The following HPSE2 variants were observed in gnomAD, a reference collection of about 807,000 sequenced individuals.
HPSE2 encodes inactive heparanase-2.
A neutral mutation model predicts 60.5 loss-of-function variants in HPSE2; 38 were observed. The observed-to-expected ratio is 0.63, with a 90% CI of 0.48 to 0.82. The LOEUF (loss-of-function observed/expected upper bound fraction) is 0.82. Ranked by LOEUF, HPSE2 falls within the 40% of genes least tolerant of loss-of-function variation. The pLI, the probability that HPSE2 is intolerant of heterozygous loss-of-function variation, is 0.00. For missense variants in HPSE2, 713 were observed against 740.4 expected (o/e 0.96, Z 0.43); for synonymous variants, 295 against 293.2 (o/e 1.01, Z -0.06).
chr10:99,204,294 A>C (rs926752889), intron 2 of HPSE2, among the ~76,000 whole-genome samples: 13 of 152,178 alleles, frequency 8.5e-5, no homozygotes, highest in East Asian at 7.7e-4. Flanking sequence ...CCAGGCCCAC[A>C]CACCTGCTGA....
chr10:98,914,369 T>A (rs1198959266), intron 3 of HPSE2, among the ~76,000 whole-genome samples: 1 of 152,046 alleles, frequency 6.6e-6, no homozygotes, highest in African/African-American at 2.4e-5. Context: ...TTAGTCAGCC[T>A]CGGGTATGTC....
chr10:98,609,608 C>A (rs773268105), intron 9 of HPSE2, among the ~76,000 whole-genome samples: 1 of 152,126 alleles, frequency 6.6e-6, no homozygotes, highest in Non-Finnish European at 1.5e-5. Flanking sequence ...TGTATATATA[C>A]CAAATCAGAA....
At chr10:99,034,021 T>C (rs903178103) in intron 3 of HPSE2, among the ~76,000 whole-genome samples, 3 of 152,170 alleles carry the variant, frequency 2.0e-5, no homozygotes, top group African/African-American at 7.2e-5. Context: ...ACCAAAAACC[T>C]ATATGTGCAT....
chr10:98,588,224 C>A (rs897708150), intron 9 of HPSE2, among the ~76,000 whole-genome samples: 2 of 152,138 alleles, frequency 1.3e-5, no homozygotes, highest in African/African-American at 4.8e-5. Flanking sequence ...TCACTAGAAG[C>A]CTTAGAGAGG....
the HPSE2 span, among the ~76,000 whole-genome samples, chr10:99,310,033 C>A: frequency 6.6e-6 from 1 of 152,210 alleles, no homozygotes; most frequent in African/African-American, 2.4e-5. Context: ...TTTATCTCTT[C>A]CAGTTTCTGG....
chr10:98,920,232 C>T (rs1407040030), intron 3 of HPSE2, among the ~76,000 whole-genome samples: 1 of 152,158 alleles, frequency 6.6e-6, no homozygotes, highest in Non-Finnish European at 1.5e-5. Context: ...TGTTCCCAGC[C>T]TGGCCAAGAC....
At chr10:98,506,547 A>G (rs1327066623) in intron 9 of HPSE2, among the ~76,000 whole-genome samples, 1 of 152,142 alleles carries the variant, frequency 6.6e-6, no homozygotes. Context: ...CCTGGGCTCA[A>G]GTGATCCTCC....
chr10:98,768,192 GTTAC>G (rs1201541272), intron 3 of HPSE2, among the ~76,000 whole-genome samples: 1 of 151,936 alleles, frequency 6.6e-6, no homozygotes, highest in Non-Finnish European at 1.5e-5. Context: ...TCTTAACAAA[GTTAC>G]TTACTGGTGG....
At chr10:98,628,291 G>A (rs768162399) in intron 7 of HPSE2, among the ~76,000 whole-genome samples, 19 of 152,062 alleles carry the variant, frequency 1.2e-4, no homozygotes, top group Non-Finnish European at 1.3e-4. Context: ...AAATCAGCAT[G>A]GGCAGAAGAG....
chr10:99,097,492 A>G (rs1843758392), intron 3 of HPSE2, among the ~76,000 whole-genome samples: 1 of 152,204 alleles, frequency 6.6e-6, no homozygotes, highest in Non-Finnish European at 1.5e-5. Context: ...TTTTCGCAGT[A>G]AACTCTAGCA....
At chr10:98,684,057 T>C (rs1455219591) in intron 6 of HPSE2, among the ~76,000 whole-genome samples, 1 of 152,206 alleles carries the variant, frequency 6.6e-6, no homozygotes, top group Admixed American at 6.6e-5. Flanking sequence ...CAAACTCTAC[T>C]ACAGGGTCTC....
chr10:98,963,086 C>T (rs961508947), intron 3 of HPSE2, among the ~76,000 whole-genome samples: 1 of 152,158 alleles, frequency 6.6e-6, no homozygotes, highest in Non-Finnish European at 1.5e-5. Flanking sequence ...TCAGGATGCA[C>T]ATAGCATAAG....
chr10:99,243,853 T>C, the HPSE2 span, among the ~76,000 whole-genome samples: 1 of 152,052 alleles, frequency 6.6e-6, no homozygotes, highest in Admixed American at 6.6e-5. Context: ...GGAGAATTGC[T>C]TGAACCTGGG....
chr10:99,289,799 T>C, the HPSE2 span, among the ~76,000 whole-genome samples: 1 of 152,172 alleles, frequency 6.6e-6, no homozygotes, highest in Non-Finnish European at 1.5e-5. Context: ...TTACGGCAAA[T>C]TAAATTATGG....
At chr10:98,898,827 C>T (rs1953574943) in intron 3 of HPSE2, among the ~76,000 whole-genome samples, 1 of 152,000 alleles carries the variant, frequency 6.6e-6, no homozygotes. Context: ...ACAATAGAGT[C>T]CAGAAATAAA....
At chr10:98,702,708 G>C (rs1267106234) in intron 5 of HPSE2, among the ~76,000 whole-genome samples, 1 of 152,104 alleles carries the variant, frequency 6.6e-6, no homozygotes, top group Non-Finnish European at 1.5e-5. Context: ...TTAAACTAAG[G>C]AAGAAATAAA....
intron 5 of HPSE2, among the ~76,000 whole-genome samples, chr10:98,699,291 C>T (rs1276022131): frequency 6.6e-6 from 1 of 151,684 alleles, no homozygotes; most frequent in Non-Finnish European, 1.5e-5. Context: ...AGCTTATCCA[C>T]CATAATCAAG....
chr10:98,913,194 G>C (rs1213372655), intron 3 of HPSE2, among the ~76,000 whole-genome samples: 2 of 152,188 alleles, frequency 1.3e-5, no homozygotes, highest in African/African-American at 4.8e-5. Context: ...CCAAGGTAGA[G>C]TTGTTATCTA....
At chr10:99,153,116 C>T (rs987701916) in intron 2 of HPSE2, among the ~76,000 whole-genome samples, 2 of 152,348 alleles carry the variant, frequency 1.3e-5, no homozygotes, top group East Asian at 1.9e-4. Context: ...CACGGAGTCT[C>T]GCTGATTGCT....
Sources: gnomAD v4.1 joint callset for allele counts (sites outside exome capture counted in the v4.1 genomes callset) on GRCh38, gnomAD v4.1.1 for gene constraint, MANE v1.5 for transcripts, NCBI Gene and HGNC (gene_info 2026-07-23, HGNC 2026-07-21) for gene names.